Variants in NHEJ1 observed in about 807,000 individuals in gnomAD.
The protein encoded by NHEJ1 is non-homologous end-joining factor 1.
A neutral mutation model predicts 39.4 loss-of-function variants in NHEJ1; 22 were observed. The observed-to-expected ratio is 0.56, with a 90% CI of 0.40 to 0.80. NHEJ1 has a LOEUF of 0.80. Ranked by LOEUF, NHEJ1 falls within the 30% of genes least tolerant of loss-of-function variation. NHEJ1 has a pLI of 0.00. For synonymous variants in NHEJ1, 154 were observed against 135.6 expected, an observed-to-expected ratio of 1.14 and a Z score of -0.94; for missense variants, 329 against 357.1, an observed-to-expected ratio of 0.92 and a Z score of 0.63.
chr2:219,151,127 CAAAAAAAAAAAA>C, intron 3 of NHEJ1, among the ~76,000 whole-genome samples: 1 of 56,008 alleles, frequency 1.8e-5, no homozygotes, highest in African/African-American at 7.1e-5. Context: ...GACCTTATCT[CAAAAAAAAAAAA>C]AAAAAAAAAA....
intron 5 of NHEJ1, among the ~76,000 whole-genome samples, chr2:219,100,958 C>G (rs1397197392): frequency 2.0e-5 from 3 of 152,218 alleles, no homozygotes; most frequent in Admixed American, 1.3e-4. Context: ...TCCAATCCCC[C>G]CCTCAGAGGA....
intron 5 of NHEJ1, among the ~76,000 whole-genome samples, chr2:219,096,432 C>G (rs1949209332): frequency 6.6e-6 from 1 of 152,144 alleles, no homozygotes. Context: ...CTGTTCTTGG[C>G]TACTGAGAAA....
intron 5 of NHEJ1, among the ~76,000 whole-genome samples, chr2:219,118,722 C>T (rs1949440199): frequency 6.6e-6 from 1 of 152,178 alleles, no homozygotes. Flanking sequence ...CAGCTCCGCC[C>T]AGCCCTTAAA....
At chr2:219,147,054 G>GGTA (rs1949747955) in intron 4 of NHEJ1, among the ~76,000 whole-genome samples, 1 of 152,206 alleles carries the variant, frequency 6.6e-6, no homozygotes, top group Non-Finnish European at 1.5e-5. Context: ...AGTCCATGTT[G>GGTA]CTCTGGTACA....
chr2:219,131,603 ATAAAT>A (rs1383153577), intron 5 of NHEJ1, among the ~76,000 whole-genome samples: 13 of 152,252 alleles, frequency 8.5e-5, no homozygotes, highest in African/African-American at 2.9e-4. Flanking sequence ...ATTGTGCTAG[ATAAAT>A]TAATAAATAG....
chr2:219,116,354 T>C (rs113297535), intron 5 of NHEJ1, among the ~76,000 whole-genome samples: 1 of 152,022 alleles, frequency 6.6e-6, no homozygotes, highest in African/African-American at 2.4e-5. Flanking sequence ...ATATAACTCT[T>C]AGGATTTTTT....
chr2:219,154,050 T>A (rs1949825133), intron 3 of NHEJ1, among the ~76,000 whole-genome samples: 1 of 152,220 alleles, frequency 6.6e-6, no homozygotes. Context: ...AGGTGTCTAC[T>A]GACAGCAGAT....
At position 219,159,538 on chromosome 2, in the gene NHEJ1, C is replaced by CATATATATGCAT. The variant is rs1559206137; in HGVS notation, c.1-1177_1-1176insATGCATATATAT. Among the ~76,000 whole-genome samples, 312 of 50,222 alleles carry CATATATATGCAT rather than the reference C, an allele frequency of 6.2e-3. 13 individuals carry two copies. Among genetic ancestry groups the CATATATATGCAT allele is most frequent in the Middle Eastern group, 7.4e-3 (1 of 136 alleles). The allele number at this position is 50,222 out of a possible 152,430, so 32.9% of individuals were successfully genotyped here. ...TTATATATATATGCATATATATATG[C>CATATATATGCAT]ATATATATATATGCATATATATATG... On this transcript the variant is annotated intron_variant, in intron 1 of 7. Coordinates refer to ENST00000356853, the MANE Select transcript of NHEJ1 (RefSeq NM_024782.3).
chr2:219,103,976 A>G (rs1949290703), intron 5 of NHEJ1, among the ~76,000 whole-genome samples: 1 of 152,162 alleles, frequency 6.6e-6, no homozygotes, highest in African/African-American at 2.4e-5. Context: ...AATAGAATTT[A>G]TATTATCTGT....
intron 5 of NHEJ1, among the ~76,000 whole-genome samples, chr2:219,092,293 C>CAA (rs58005993): frequency 0.031 from 3,416 of 111,948 alleles, 141 homozygotes; most frequent in African/African-American, 0.1. Context: ...GACACTGCCT[C>CAA]AAAAAAAAAA....
At chr2:219,152,537 C>T (rs1374359579) in intron 3 of NHEJ1, among the ~76,000 whole-genome samples, 2 of 152,208 alleles carry the variant, frequency 1.3e-5, no homozygotes, top group African/African-American at 4.8e-5. Flanking sequence ...CAGCTTACTG[C>T]AGCCTTGAAC....
At position 219,090,581 on chromosome 2, in the gene NHEJ1, T is replaced by C. The variant is rs554377399; in HGVS notation, c.589-12375A>G. Among the ~76,000 whole-genome samples the C allele has an allele frequency of 2.0e-5, 3 of 152,292 alleles. No homozygotes were observed. The South Asian group carries it at 6.2e-4, about 32-fold the overall frequency. On this transcript the variant is annotated intron_variant, in intron 5 of 7. Transcript: ENST00000356853. ...AAGAGTGAGACACATAAACAAATAA[T>C]TGTTCCTCACCTCTAGCCACACACG...
At chr2:219,093,678 C>T (rs111773450) in intron 5 of NHEJ1, among the ~76,000 whole-genome samples, 1 of 152,100 alleles carries the variant, frequency 6.6e-6, no homozygotes, top group Non-Finnish European at 1.5e-5. Context: ...GGGAAAGGAA[C>T]TGAATGTTAC....
At chr2:219,077,498 G>T in intron 6 of NHEJ1, 134 bp from the exon 7 acceptor site, 1 of 755,334 alleles carries the variant, frequency 1.3e-6, no homozygotes, top group Non-Finnish European at 2.3e-6. Context: ...GTAGCCACAA[G>T]TCCAACTTCC....
At chr2:219,148,748 T>C (rs924577484) in intron 3 of NHEJ1, among the ~76,000 whole-genome samples, 4 of 152,164 alleles carry the variant, frequency 2.6e-5, no homozygotes, top group African/African-American at 4.8e-5. Context: ...GGGCTCATGA[T>C]AGCCCAGAAG....
chr2:219,116,549 G>T (rs1439635836), intron 5 of NHEJ1, among the ~76,000 whole-genome samples: 2 of 151,978 alleles, frequency 1.3e-5, no homozygotes, highest in African/African-American at 2.4e-5. Context: ...GTAGAGATGG[G>T]GTTTCGCCAT....
In NHEJ1 at chr2:219,127,946, TCTTTGGTATGA is replaced by T. The variant is rs540129600; in HGVS notation, c.588+18723_588+18733del. 7.9e-4 allele frequency among the ~76,000 whole-genome samples: 121 copies of T among 152,334 alleles called. 2 individuals are homozygous for T. The South Asian group carries it at 0.025, about 32-fold the overall frequency. On this transcript the variant is annotated intron_variant, in intron 5 of 7. Coordinates refer to ENST00000356853, the MANE Select transcript of NHEJ1 (RefSeq NM_024782.3). ...CAATCTTCTACCTCAGTGTCAGAGC[TCTTTGGTATGA>T]CTTGGCAATTGAGATCAGATTGCTT...
At position 219,078,089 on chromosome 2, in the gene NHEJ1, C is replaced by G; in HGVS notation, c.706G>C (p.Gly236Arg). The G allele has an allele frequency of 6.2e-7, 1 of 1,611,936 alleles. No homozygotes were observed. The highest frequency in any genetic ancestry group is 8.5e-7 in the Non-Finnish European group (1 of 1,178,030). The change falls in exon 6 of 8, where the codon GGA becomes CGA. Residue 236 changes from glycine to arginine, a missense_variant and splice_region_variant. Physicochemically the swap from Gly to Arg is moderately radical, Grantham distance 125. Coordinates refer to ENST00000356853, the MANE Select transcript of NHEJ1 (RefSeq NM_024782.3). ...GACCGGGTACCTCTGGAGGGCTCAC[C>G]AGCGCCTTGATGCTTCTGTCCCACT... Reference protein sequence around the residue: ...VQVGQKHQGAGDPHTSNSASL... With the variant: ...VQVGQKHQGARDPHTSNSASL...
chr2:219,076,322 A>G lies in NHEJ1; in HGVS notation c.*59T>C, dbSNP rs1949013196. The G allele has an allele frequency of 2.5e-6, 4 of 1,614,000 alleles. No individual in the cohort carries two copies. The highest frequency in any genetic ancestry group is 2.5e-6 in the Non-Finnish European group (3 of 1,179,974). Reference sequence around the variant, plus strand: ...TATTGCTGCCATGTAAGCTTCTTTCAAGGTGAAGCTTGGAAGCTGTTCTCC... The same window carrying G: ...TATTGCTGCCATGTAAGCTTCTTTCGAGGTGAAGCTTGGAAGCTGTTCTCC... On this transcript the variant is annotated 3_prime_UTR_variant, in exon 8 of 8. Coordinates refer to ENST00000356853, the MANE Select transcript of NHEJ1 (RefSeq NM_024782.3).
Sources: gnomAD v4.1 joint callset for allele counts (sites outside exome capture counted in the v4.1 genomes callset) on GRCh38, gnomAD v4.1.1 for gene constraint, MANE v1.5 for transcripts, NCBI Gene and HGNC (gene_info 2026-07-23, HGNC 2026-07-21) for gene names.